The following AXIN2 variants were observed in gnomAD, a reference collection of about 807,000 sequenced individuals.
AXIN2 encodes axin-2.
A neutral mutation model predicts 74.7 loss-of-function variants in AXIN2; 21 were observed. That is an observed-to-expected ratio of 0.28 (90% CI 0.20 to 0.40). The LOEUF (loss-of-function observed/expected upper bound fraction) is 0.40. Ranked by LOEUF, AXIN2 falls within the 10% of genes least tolerant of loss-of-function variation. AXIN2 has a pLI of 1.00. For missense variants in AXIN2, 1,144 were observed against 1,111.1 expected (o/e 1.03, Z -0.42); for synonymous variants, 532 against 454.9 (o/e 1.17, Z -2.16).
Position 65,537,479 on chromosome 17 carries a change from G to C in AXIN2, c.1557C>G (p.Ile519Met), listed in dbSNP as rs374444786. The C allele has an allele frequency of 4.9e-5, 79 of 1,613,804 alleles. No individual in the cohort carries two copies. The highest frequency in any genetic ancestry group is 6.2e-5 in the Non-Finnish European group (73 of 1,180,010). ...TGGTCTTGGGGACGGCATGGTGGTG[G>C]ATGTAGTGGTGGTGGACATGCTTCG... ...QTTKHVHHHY[I>M]HHHAVPKTKE... The change falls in exon 6 of 11, where the codon ATC (isoleucine) becomes ATG (methionine). Residue 519 changes from isoleucine to methionine, a missense_variant. Ile to Met is a conservative substitution (Grantham distance 10, BLOSUM62 1). Coordinates refer to ENST00000307078, the MANE Select transcript of AXIN2 (RefSeq NM_004655.4).
intron 4 of AXIN2, among the ~76,000 whole-genome samples, chr17:65,540,753 A>G (rs1026204860): frequency 2.0e-5 from 3 of 152,104 alleles, no homozygotes; most frequent in Non-Finnish European, 2.9e-5. Flanking sequence ...TTCTCCCGCT[A>G]TGTTACAAAC....
At chr17:65,546,625 A>G (rs915106121) in intron 3 of AXIN2, among the ~76,000 whole-genome samples, 1 of 152,190 alleles carries the variant, frequency 6.6e-6, no homozygotes, top group Non-Finnish European at 1.5e-5. Context: ...CAGTGACCCC[A>G]CATGGATGCC....
intron 3 of AXIN2, among the ~76,000 whole-genome samples, chr17:65,547,182 AG>A (rs1423874466): frequency 6.6e-6 from 1 of 152,208 alleles, no homozygotes; most frequent in East Asian, 1.9e-4. Flanking sequence ...GGGAGGCTGC[AG>A]GGGAGAACTT....
At chr17:65,536,591 G>A (rs758688328) in intron 7 of AXIN2, 38 bp from the exon 8 acceptor site, 2 of 1,606,938 alleles carry the variant, frequency 1.2e-6, no homozygotes, top group Admixed American at 1.7e-5. Context: ...CAGAAGGAAA[G>A]AAACTGGGTT....
intron 10 of AXIN2, among the ~76,000 whole-genome samples, chr17:65,531,644 T>C (rs2043819808): frequency 6.6e-6 from 1 of 152,086 alleles, no homozygotes; most frequent in Non-Finnish European, 1.5e-5. Context: ...TTTACATAAT[T>C]GCAACCTCCT....
intron 2 of AXIN2, among the ~76,000 whole-genome samples, chr17:65,550,576 C>T (rs1241988858): frequency 1.3e-5 from 2 of 152,122 alleles, no homozygotes; most frequent in Non-Finnish European, 2.9e-5. Flanking sequence ...GGCCTGAAGT[C>T]GCAGGAGGCC....
intron 2 of AXIN2, among the ~76,000 whole-genome samples, chr17:65,556,375 C>A (rs1420560635): frequency 6.6e-6 from 1 of 152,152 alleles, no homozygotes; most frequent in Non-Finnish European, 1.5e-5. Flanking sequence ...ATGGGGCGGG[C>A]AGGCGTAGCA....
rs776281840 is a variant in AXIN2 at position 65,534,064 on chromosome 17, C to G, written c.2253G>C (p.Lys751Asn). 1 of 1,614,238 alleles carries G rather than the reference C, an allele frequency of 6.2e-7. No individual in the cohort carries two copies. The highest frequency in any genetic ancestry group is 1.1e-5 in the South Asian group (1 of 91,086). ...SLAPEDHKEP[K>N]KLAGVHALQA... ...GGAGCGCGTGGACACCTGCCAGTTT[C>G]TTTGGCTCTTTGTGACTGAAAATAA... The change falls in exon 10 of 11, where the codon AAG (lysine) becomes AAC (asparagine). Residue 751 changes from lysine (K) to asparagine (N), a missense_variant. By Grantham distance (94) the Lys-to-Asn change is moderately conservative. This residue lies in a region of AXIN2 where 1,053 missense variants were observed against 973.5 expected (regional missense o/e 1.08). Coordinates refer to ENST00000307078, the MANE Select transcript of AXIN2 (RefSeq NM_004655.4).
rs978914669 is a variant in AXIN2 at position 65,537,386 on chromosome 17, G to A, written c.1650C>T (p.Tyr550=). 13 of 1,613,968 alleles carry A rather than the reference G, an allele frequency of 8.1e-6. No individual in the cohort carries two copies. In the Admixed American group the frequency reaches 1.0e-4, roughly 12 times the overall value. ...AGTGGCTTTTGCATTTCGAGTAGCA[G>A]TAATACTCGCTGCCCCCAGGGCAGA... ...HCFCPGGSEY[Y]CYSKCKSHSK... The change falls in exon 6 of 11, where the codon TAC becomes TAT. Residue 550 remains tyrosine (Y), a synonymous_variant. Transcript: ENST00000307078.
chr17:65,549,300 C>T (rs1169191668), intron 3 of AXIN2, among the ~76,000 whole-genome samples: 1 of 152,152 alleles, frequency 6.6e-6, no homozygotes, highest in Non-Finnish European at 1.5e-5. Context: ...CAATATCCTC[C>T]CAACTTTCAA....
intron 3 of AXIN2, among the ~76,000 whole-genome samples, chr17:65,548,614 C>T (rs1350285041): frequency 6.6e-6 from 1 of 152,156 alleles, no homozygotes; most frequent in South Asian, 2.1e-4. Flanking sequence ...TTTTACCCAT[C>T]CCCTATCCCC....
At chr17:65,560,262 G>GGAGGGACGC (rs1344948262) in intron 1 of AXIN2, 3 of 152,316 alleles carry the variant, frequency 2.0e-5, no homozygotes, top group African/African-American at 4.8e-5. Context: ...CGGGCCGGGA[G>GGAGGGACGC]GAGGGACGCG....
At chr17:65,535,979 C>T (rs537845696) in intron 8 of AXIN2, among the ~76,000 whole-genome samples, 19 of 152,278 alleles carry the variant, frequency 1.2e-4, no homozygotes, top group African/African-American at 4.3e-4. Flanking sequence ...GACTCTTGAT[C>T]CTCCATCTCA....
intron 8 of AXIN2, 101 bp from the exon 9 acceptor site, chr17:65,535,822 C>G: frequency 2.8e-6 from 3 of 1,067,120 alleles, no homozygotes; most frequent in Non-Finnish European, 4.2e-6. Context: ...TGAAGAGACA[C>G]GAACCCGACT....
chr17:65,555,852 A>C (rs1453585282), intron 2 of AXIN2, among the ~76,000 whole-genome samples: 1 of 152,110 alleles, frequency 6.6e-6, no homozygotes, highest in East Asian at 1.9e-4. Context: ...AATTCTCTTT[A>C]AATATGCCCA....
chr17:65,548,367 G>A (rs1358001916), intron 3 of AXIN2, among the ~76,000 whole-genome samples: 2 of 152,188 alleles, frequency 1.3e-5, no homozygotes, highest in African/African-American at 4.8e-5. Context: ...CAGGACATTG[G>A]CCAGTAAAAA....
rs1293578802 is a variant in AXIN2 at position 65,529,583 on chromosome 17, G to C, written c.*393C>G. The C allele has an allele frequency of 2.0e-5, 7 of 350,632 alleles. No homozygotes were observed. The highest frequency in any genetic ancestry group is 3.7e-5 in the Non-Finnish European group (7 of 188,220). The allele number at this position is 350,632 out of a possible 1,614,324, so 21.7% of individuals were successfully genotyped here. ...GCAGCATATCCATAAACTGGGGATG[G>C]GGGAAATCAACTGTTCTATAAATAT... On this transcript the variant is annotated 3_prime_UTR_variant, in exon 11 of 11. Transcript: ENST00000307078.
In AXIN2 at chr17:65,529,596, G is replaced by A; in HGVS notation, c.*380C>T. ...AAACTGGGGATGGGGGAAATCAACT[G>A]TTCTATAAATATCAGTAAGGATTCC... On this transcript the variant is annotated 3_prime_UTR_variant, in exon 11 of 11. Transcript: ENST00000307078. The A allele has an allele frequency of 2.6e-6, 1 of 386,274 alleles. No homozygotes were observed. The highest frequency in any genetic ancestry group is 4.8e-6 in the Non-Finnish European group (1 of 207,784). The allele number at this position is 386,274 out of a possible 1,614,324, so 23.9% of individuals were successfully genotyped here. A position where few individuals can be genotyped will look rare whatever the true frequency, so the allele number is the denominator to read the frequency against.
chr17:65,548,300 C>T (rs1236080938), intron 3 of AXIN2, among the ~76,000 whole-genome samples: 1 of 152,220 alleles, frequency 6.6e-6, no homozygotes, highest in Admixed American at 6.5e-5. Flanking sequence ...ATAGTAGGTT[C>T]CCAAACTCAC....
Sources: allele counts gnomAD v4.1 joint callset (sites outside exome capture counted in the v4.1 genomes callset), GRCh38; gene constraint gnomAD v4.1.1; regional missense constraint gnomAD v4.1.1; transcripts MANE v1.5; gene names NCBI Gene and HGNC (gene_info 2026-07-23, HGNC 2026-07-21).